Variants in SRPRB observed in about 807,000 individuals in gnomAD.
SRPRB encodes signal recognition particle receptor subunit beta.
SRPRB carries 20 observed loss-of-function variants against 31.9 expected under a neutral mutation model. The observed-to-expected ratio is 0.63, with a 90% CI of 0.44 to 0.91. The LOEUF (loss-of-function observed/expected upper bound fraction) is 0.91, where lower values mean the gene tolerates loss of function less well. Ranked by LOEUF, SRPRB falls within the 40% of genes least tolerant of loss-of-function variation. The pLI, the probability that SRPRB is intolerant of heterozygous loss-of-function variation, is 0.00. For missense variants in SRPRB, 321 were observed against 324.9 expected (o/e 0.99, Z 0.09); for synonymous variants, 146 against 132.8 (o/e 1.10, Z -0.68).
intron 1 of SRPRB, chr3:133,794,744 T>G (rs1934924671): frequency 6.6e-6 from 1 of 152,208 alleles, no homozygotes; most frequent in Non-Finnish European, 1.5e-5. Flanking sequence ...GAAGTTTCTC[T>G]CCCGAAGAAG....
chr3:133,802,353 G>A (rs1935074667), upstream of SRPRB, among the ~76,000 whole-genome samples: 1 of 152,068 alleles, frequency 6.6e-6, no homozygotes, highest in Non-Finnish European at 1.5e-5. Flanking sequence ...AGGTTACAGT[G>A]AGCCCTATTG....
chr3:133,786,222 T>TTAAAAAAAAAA (rs59954827), intron 1 of SRPRB: 1 of 84,350 alleles, frequency 1.2e-5, no homozygotes, highest in African/African-American at 3.9e-5. Context: ...AAAAATAAAT[T>TTAAAAAAAAAA]AAAAAAAAAA....
chr3:133,814,218 G>T (rs1272238038), intron 4 of SRPRB, among the ~76,000 whole-genome samples: 2 of 149,806 alleles, frequency 1.3e-5, no homozygotes, highest in African/African-American at 4.9e-5. Context: ...TGCAAGCTCT[G>T]CCTCCCAGGT....
At chr3:133,814,014 C>CTATTTTAAG (rs1311262184) in intron 4 of SRPRB, among the ~76,000 whole-genome samples, 1 of 152,188 alleles carries the variant, frequency 6.6e-6, no homozygotes, top group Non-Finnish European at 1.5e-5. Flanking sequence ...CTCCCTGAGA[C>CTATTTTAAG]TATTTTAAGT....
At chr3:133,794,639 T>A (rs1364418832) in intron 1 of SRPRB, 3 of 152,266 alleles carry the variant, frequency 2.0e-5, no homozygotes, top group Non-Finnish European at 4.4e-5. Context: ...TTCTGGACTT[T>A]GAACTTTGGG....
At chr3:133,811,041 A>G in intron 3 of SRPRB, 76 bp from the exon 4 acceptor site, 3 of 1,418,232 alleles carry the variant, frequency 2.1e-6, no homozygotes, top group Non-Finnish European at 2.9e-6. Flanking sequence ...TTTGGTAGCC[A>G]ATATATGATA....
intron 5 of SRPRB, among the ~76,000 whole-genome samples, chr3:133,815,989 A>AT (rs35075251): frequency 1.6e-4 from 25 of 152,300 alleles, no homozygotes; most frequent in African/African-American, 5.8e-4. Flanking sequence ...ATTATAAATT[A>AT]TTTTACTTTA....
At chr3:133,798,121 G>A (rs1204534769) in intron 1 of SRPRB, among the ~76,000 whole-genome samples, 2 of 152,210 alleles carry the variant, frequency 1.3e-5, no homozygotes, top group Non-Finnish European at 2.9e-5. Context: ...TAAAAGTAGA[G>A]CTAGCGAATT....
At chr3:133,807,635 G>C in intron 2 of SRPRB, 111 bp from the exon 3 acceptor site, 1 of 721,936 alleles carries the variant, frequency 1.4e-6, no homozygotes, top group Non-Finnish European at 2.4e-6. Context: ...TTCACCTGTC[G>C]GAAGCAGCAT....
intron 1 of SRPRB, chr3:133,787,921 C>T (rs1034502560): frequency 2.0e-5 from 3 of 152,106 alleles, no homozygotes; most frequent in African/African-American, 7.2e-5. Flanking sequence ...CTTCTGAAAA[C>T]GACTTTTGGA....
downstream of SRPRB, chr3:133,826,742 AT>A (rs1288917720): frequency 2.0e-5 from 3 of 152,638 alleles, no homozygotes; most frequent in Admixed American, 1.3e-4. Context: ...TATTTTATTG[AT>A]GGCAAGACAA....
downstream of SRPRB, chr3:133,828,390 A>AC: frequency 2.8e-6 from 1 of 355,524 alleles, no homozygotes. Context: ...AGAGAACAGG[A>AC]AGGAGGAGGT....
intron 1 of SRPRB, chr3:133,793,821 CTT>C (rs1400723788): frequency 2.0e-5 from 3 of 152,100 alleles, no homozygotes; most frequent in African/African-American, 7.2e-5. Context: ...AAAAAGCACT[CTT>C]GAATACAGGT....
At chr3:133,794,333 A>G (rs1225580127) in intron 1 of SRPRB, 1 of 152,250 alleles carries the variant, frequency 6.6e-6, no homozygotes, top group African/African-American at 2.4e-5. Context: ...CTGGGAAAAC[A>G]ATCAAAGCTT....
chr3:133,812,881 T>C (rs1935300995), intron 4 of SRPRB, among the ~76,000 whole-genome samples: 1 of 152,248 alleles, frequency 6.6e-6, no homozygotes, highest in Non-Finnish European at 1.5e-5. Context: ...TATGGTCTTT[T>C]GCTCCCCATT....
At chr3:133,790,526 T>C (rs1417817045) in intron 1 of SRPRB, 2 of 152,226 alleles carry the variant, frequency 1.3e-5, no homozygotes, top group Non-Finnish European at 2.9e-5. Context: ...ATGGAAAAAG[T>C]TTAGATAATA....
chr3:133,820,752 A>G lies in SRPRB; in HGVS notation c.*986A>G, dbSNP rs1188370226. The G allele has an allele frequency of 6.6e-6, 1 of 152,220 alleles. No individual in the cohort carries two copies. Among genetic ancestry groups the G allele is most frequent in the Admixed American group, 6.5e-5 (1 of 15,290 alleles). 9.4% of individuals were successfully genotyped at this position (152,220 alleles called of 1,614,324 possible). ...ATTAGTATATTTCATGGTAAAGAAA[A>G]CAGCCTGTCTGGCTCAAAGCAATTA... is the stretch of plus-strand genomic sequence containing the variant. On this transcript the variant is annotated 3_prime_UTR_variant, in exon 7 of 7. Coordinates refer to ENST00000678299, the MANE Select transcript of SRPRB (RefSeq NM_001379313.1).
intron 2 of SRPRB, among the ~76,000 whole-genome samples, chr3:133,807,027 G>A (rs987476032): frequency 3.9e-5 from 6 of 151,968 alleles, no homozygotes; most frequent in South Asian, 2.1e-4. Flanking sequence ...TAATTCCTTC[G>A]TTAACAAATT....
downstream of SRPRB, chr3:133,827,829 G>C: frequency 3.3e-6 from 2 of 598,576 alleles, no homozygotes; most frequent in Non-Finnish European, 6.2e-6. Context: ...GAAGGCTTCA[G>C]GATGGCACAC....
Sources: allele counts gnomAD v4.1 joint callset (sites outside exome capture counted in the v4.1 genomes callset), GRCh38; gene constraint gnomAD v4.1.1; transcripts MANE v1.5; gene names NCBI Gene and HGNC (gene_info 2026-07-23, HGNC 2026-07-21).